Variants in PPP2R2C observed in about 807,000 individuals in gnomAD.
The protein encoded by PPP2R2C is protein phosphatase 2, regulatory subunit B, gamma.
In PPP2R2C, 10 loss-of-function variants were observed where a neutral mutation model predicts 45.3. The ratio of observed to expected loss-of-function variants is 0.22; its 90% CI spans 0.14 to 0.37. The LOEUF (loss-of-function observed/expected upper bound fraction) is 0.37. Ranked by LOEUF, PPP2R2C falls within the 10% of genes least tolerant of loss-of-function variation. The probability of loss-of-function intolerance (pLI) is 1.00; values close to 1 mark genes in which losing one functional copy is unlikely to be tolerated. For missense variants in PPP2R2C, 308 were observed against 619.7 expected (o/e 0.50, Z 5.34); for synonymous variants, 257 against 245.4 (o/e 1.05, Z -0.44).
chr4:6,411,609 G>A (rs1577159755), intron 1 of PPP2R2C, among the ~76,000 whole-genome samples: 1 of 146,888 alleles, frequency 6.8e-6, no homozygotes, highest in East Asian at 2.0e-4. Context: ...CTGGAGTGCA[G>A]TGGCGCAATC....
intron 5 of PPP2R2C, among the ~76,000 whole-genome samples, chr4:6,353,447 CA>C (rs1712780437): frequency 4.9e-5 from 3 of 61,596 alleles, no homozygotes; most frequent in African/African-American, 6.8e-5. Flanking sequence ...CAACAGCCCC[CA>C]ACACCCGACA....
chr4:6,360,132 C>T (rs1577106071), intron 5 of PPP2R2C, among the ~76,000 whole-genome samples: 1 of 152,198 alleles, frequency 6.6e-6, no homozygotes, highest in East Asian at 1.9e-4. Flanking sequence ...CAGGCAGGAA[C>T]TGCCCATGTG....
intron 1 of PPP2R2C, among the ~76,000 whole-genome samples, chr4:6,552,654 T>C (rs1294801309): frequency 1.3e-5 from 2 of 152,094 alleles, no homozygotes; most frequent in East Asian, 3.9e-4. Flanking sequence ...ATAATCCAGG[T>C]CAACCTCCCC....
intron 5 of PPP2R2C, 134 bp downstream of exon 5, chr4:6,372,389 A>T: frequency 1.1e-6 from 1 of 909,710 alleles, no homozygotes; most frequent in Admixed American, 2.4e-5. Context: ...ACTAGGAGCC[A>T]GAGGTGCCTC....
intron 2 of PPP2R2C, among the ~76,000 whole-genome samples, chr4:6,478,739 G>T (rs1722250853): frequency 6.6e-6 from 1 of 152,204 alleles, no homozygotes; most frequent in Non-Finnish European, 1.5e-5. Context: ...GAAGACCACA[G>T]CCGTGAATGA....
At chr4:6,500,484 C>T (rs913014178) in intron 2 of PPP2R2C, among the ~76,000 whole-genome samples, 2 of 152,210 alleles carry the variant, frequency 1.3e-5, no homozygotes, top group African/African-American at 4.8e-5. Flanking sequence ...GATGAGAAGA[C>T]AGGAGTCACC....
At position 6,368,935 on chromosome 4, in the gene PPP2R2C, G is replaced by A. The variant is rs886707942; in HGVS notation, c.625+3588C>T. 3.3e-5 allele frequency among the ~76,000 whole-genome samples: 5 copies of A among 152,220 alleles called. No homozygotes were observed. Among genetic ancestry groups the A allele is most frequent in the African/African-American group, 1.2e-4 (5 of 41,454 alleles). The stretch of plus-strand genomic sequence containing the variant: ...CCCGTTCCCTGGAAGCAGGCAGGTG[G>A]GAAGTCGGCACAGCCTCCAGTAATG... On this transcript the variant is annotated intron_variant, in intron 5 of 8. Coordinates refer to ENST00000382599, the MANE Select transcript of PPP2R2C (RefSeq NM_020416.4). This position sits in a 1 kb window ranked among gnomAD's most constrained non-coding sequence, Gnocchi z 4.2.
At chr4:6,535,170 T>A in intron 2 of PPP2R2C, 1 of 1,350,960 alleles carries the variant, frequency 7.4e-7, no homozygotes, top group South Asian at 1.3e-5. Context: ...GGGGTCGGCT[T>A]CCCGCTGTCA....
In PPP2R2C at chr4:6,332,269, G is replaced by T. The variant is rs530272510; in HGVS notation, c.960+1293C>A. On this transcript the variant is annotated intron_variant, in intron 7 of 8. Transcript: ENST00000382599. The surrounding 1 kb of genome is among the most constrained non-coding windows in gnomAD (Gnocchi z 4.9). ...AGAGTTGCTCCTGCAGGCTTGAGCCGGGCTTATCCTGTCCCTCTCCTAGTC... is the reference window on the plus strand; with the variant it reads ...AGAGTTGCTCCTGCAGGCTTGAGCCTGGCTTATCCTGTCCCTCTCCTAGTC... Among the ~76,000 whole-genome samples the T allele has an allele frequency of 1.3e-5, 2 of 152,288 alleles. No individual in the cohort carries two copies. Among genetic ancestry groups the T allele is most frequent in the South Asian group, 4.1e-4 (2 of 4,822 alleles).
rs1019472142 is a variant in PPP2R2C, at chr4:6,322,051, G to A, written c.*1251C>T. ...CCACCAAGCAGAGCGAGGAGCTCCG[G>A]GGGGTCTTCTCTGTCTTCCATCCTG... On this transcript the variant is annotated 3_prime_UTR_variant, in exon 9 of 9. Transcript: ENST00000382599. The surrounding 1 kb of genome is among the most constrained non-coding windows in gnomAD (Gnocchi z 7.8). The A allele has an allele frequency of 2.6e-5, 4 of 152,164 alleles. No homozygotes were observed. The highest frequency in any genetic ancestry group is 9.7e-5 in the African/African-American group (4 of 41,422). The allele number at this position is 152,164 out of a possible 1,614,324, so 9.4% of individuals were successfully genotyped here. A position where few individuals can be genotyped will look rare whatever the true frequency, so the allele number is the denominator to read the frequency against.
At chr4:6,463,027 CT>C (rs1341353528) in intron 1 of PPP2R2C, among the ~76,000 whole-genome samples, 2 of 152,182 alleles carry the variant, frequency 1.3e-5, no homozygotes, top group Non-Finnish European at 2.9e-5. Context: ...GGTGCACTCC[CT>C]TCTTAAACAC....
chr4:6,325,088 C>T (rs541197490), intron 8 of PPP2R2C, among the ~76,000 whole-genome samples: 84 of 152,292 alleles, frequency 5.5e-4, no homozygotes, highest in South Asian at 3.9e-3. Context: ...ACGTGAGCTC[C>T]GGCACTGCAG....
At chr4:6,349,641 C>T (rs1238315194) in intron 5 of PPP2R2C, 2 of 924,104 alleles carry the variant, frequency 2.2e-6, no homozygotes, top group Admixed American at 6.2e-5. Flanking sequence ...GAGATCGAGA[C>T]CATTCTGGCC....
intron 2 of PPP2R2C, among the ~76,000 whole-genome samples, chr4:6,506,981 G>A (rs151233309): frequency 4.6e-5 from 7 of 152,290 alleles, no homozygotes; most frequent in South Asian, 4.1e-4. Context: ...CCAGATCACC[G>A]GATGGAAGCT....
intron 1 of PPP2R2C, among the ~76,000 whole-genome samples, chr4:6,439,443 G>A (rs183074291): frequency 3.0e-3 from 458 of 152,292 alleles, no homozygotes; most frequent in African/African-American, 0.01. Context: ...TAACTTTAGC[G>A]TGATTCAAAA....
intron 1 of PPP2R2C, among the ~76,000 whole-genome samples, chr4:6,465,232 C>T (rs968531196): frequency 2.0e-5 from 3 of 152,082 alleles, no homozygotes; most frequent in South Asian, 2.1e-4. Context: ...CTTGGTCCTG[C>T]GGGGAGAGGT....
intron 2 of PPP2R2C, among the ~76,000 whole-genome samples, chr4:6,528,969 C>T (rs1370374194): frequency 6.6e-6 from 1 of 152,236 alleles, no homozygotes; most frequent in Non-Finnish European, 1.5e-5. Flanking sequence ...AGCTTTGTTG[C>T]TCACACAAAG....
In PPP2R2C at chr4:6,328,223, C is replaced by T. The variant is rs747783067; in HGVS notation, c.1052+1039G>A. On this transcript the variant is annotated intron_variant, in intron 8 of 8. Coordinates refer to ENST00000382599, the MANE Select transcript of PPP2R2C (RefSeq NM_020416.4). This position sits in a 1 kb window ranked among gnomAD's most constrained non-coding sequence, Gnocchi z 4.4. ...TTGCCCACCACACTGGACAGGACTG[C>T]GGGGAGGAGGTGACAGTACATGGGC... 9.7e-4 allele frequency among the ~76,000 whole-genome samples: 148 copies of T among 152,266 alleles called. 1 individual carries two copies. Among genetic ancestry groups the T allele is most frequent in the Admixed American group, 2.4e-3 (37 of 15,298 alleles).
At position 6,404,221 on chromosome 4, in the gene PPP2R2C, C is replaced by T. The variant is rs148791527; in HGVS notation, c.71-23127G>A. 4.7e-3 allele frequency among the ~76,000 whole-genome samples: 721 copies of T among 152,130 alleles called. 8 individuals are homozygous for T. The highest frequency in any genetic ancestry group is 0.022 in the East Asian group (113 of 5,168). On this transcript the variant is annotated intron_variant, in intron 1 of 8. Transcript: ENST00000382599. ...TGGGACAGGAAAGGTCCTTAGAGGT[C>T]CCCCCCTCCCATACACAAGTTCCCC... is the stretch of plus-strand genomic sequence containing the variant.
Sources: allele counts gnomAD v4.1 joint callset (sites outside exome capture counted in the v4.1 genomes callset), GRCh38; gene constraint gnomAD v4.1.1; non-coding constraint Gnocchi (gnomAD v3.1); transcripts MANE v1.5; gene names NCBI Gene and HGNC (gene_info 2026-07-23, HGNC 2026-07-21).